The following PLCH2 variants were observed in gnomAD, a reference collection of about 807,000 sequenced individuals.
PLCH2 encodes the protein phospholipase C eta 2, also known as 1-phosphatidylinositol 4,5-bisphosphate phosphodiesterase eta-2.
PLCH2 carries 98 observed loss-of-function variants against 134.7 expected under a neutral mutation model. The ratio of observed to expected loss-of-function variants is 0.73; its 90% CI spans 0.62 to 0.86. PLCH2 has a LOEUF of 0.86. PLCH2 is among the 40% of genes least tolerant of loss of function. The probability of loss-of-function intolerance (pLI) is 0.00; values close to 1 mark genes in which losing one functional copy is unlikely to be tolerated. For missense variants in PLCH2, 1,994 were observed against 1,986.6 expected, an observed-to-expected ratio of 1.00 and a Z score of -0.07; for synonymous variants, 974 against 827.5, an observed-to-expected ratio of 1.18 and a Z score of -3.04.
At chr1:2,424,657 C>G (rs1011951292), upstream of PLCH2, among the ~76,000 whole-genome samples, 1 of 152,100 alleles carries the variant, frequency 6.6e-6, no homozygotes, top group Non-Finnish European at 1.5e-5. Context: ...TTGAGACCAG[C>G]CTGGCCAACA....
chr1:2,457,395 C>T (rs1024782114), intron 2 of PLCH2, among the ~76,000 whole-genome samples: 17 of 152,126 alleles, frequency 1.1e-4, no homozygotes, highest in Admixed American at 7.2e-4. Context: ...GCCTCGTGGC[C>T]GTGATCACAA....
At chr1:2,490,988 G>A (rs2100695798) in intron 10 of PLCH2, among the ~76,000 whole-genome samples, 1 of 152,382 alleles carries the variant, frequency 6.6e-6, no homozygotes, top group East Asian at 1.9e-4. Context: ...CTCTGCTGGG[G>A]GCCGCTGGGC....
At chr1:2,433,776 C>T (rs192548040) in intron 2 of PLCH2, among the ~76,000 whole-genome samples, 13 of 152,368 alleles carry the variant, frequency 8.5e-5, no homozygotes, top group East Asian at 3.9e-4. Flanking sequence ...CACCTCTCCC[C>T]GCTCCTTCGT....
intron 21 of PLCH2, chr1:2,503,608 C>A: frequency 2.9e-6 from 2 of 695,690 alleles, no homozygotes; most frequent in African/African-American, 1.8e-5. Flanking sequence ...ACCCACGCTG[C>A]CTCCGTAGTT....
Position 2,498,059 on chromosome 1 carries a change from G to A in PLCH2, c.2224+450G>A. On this transcript the variant is annotated intron_variant, in intron 16 of 21. Transcript: ENST00000378486. The surrounding 1 kb of genome is among the most constrained non-coding windows in gnomAD (Gnocchi z 5.4). ...CCAGCTTGGTCCCCCTGTGGCCCTG[G>A]CAGGAGTATCACCATGGGAGAGGGC... 1 of 228,810 alleles carries A rather than the reference G, an allele frequency of 4.4e-6. No homozygotes were observed. The highest frequency in any genetic ancestry group is 8.6e-6 in the Non-Finnish European group (1 of 116,054). 14.2% of individuals were successfully genotyped at this position (228,810 alleles called of 1,614,324 possible). A position where few individuals can be genotyped will look rare whatever the true frequency, so the allele number is the denominator to read the frequency against.
At chr1:2,463,552 C>T (rs1034651337), upstream of PLCH2, among the ~76,000 whole-genome samples, 1 of 152,212 alleles carries the variant, frequency 6.6e-6, no homozygotes. Flanking sequence ...ACCGAGGCAC[C>T]CCACGAAGGC....
chr1:2,428,815 G>A (rs1279007136), intron 1 of PLCH2, among the ~76,000 whole-genome samples: 1 of 152,256 alleles, frequency 6.6e-6, no homozygotes, highest in Non-Finnish European at 1.5e-5. Flanking sequence ...CGGGCTGGGA[G>A]ACCCCATGCC....
chr1:2,433,223 G>A lies in PLCH2; in HGVS notation c.115+2594G>A, dbSNP rs12058784. Among the ~76,000 whole-genome samples the A allele has an allele frequency of 6.1e-3, 923 of 152,360 alleles. 6 individuals carry two copies. Among genetic ancestry groups the A allele is most frequent in the African/African-American group, 0.02 (846 of 41,578 alleles). On this transcript the variant is annotated intron_variant, in intron 2 of 3. Transcript: ENST00000609981. ...CCGCTGTGTACGTGCTCAGGTGTCC[G>A]GGGAGGACCAGTGTGCTGTGGTGTG...
chr1:2,504,869 C>G lies in PLCH2; in HGVS notation c.3907C>G (p.Leu1303Val). ...GVRRDTLTEQ[L>V]RWLTVFQQAG... ...GAGACGGGACACCCTGACAGAGCAG[C>G]TGCGCTGGCTCACTGTCTTCCAGCA... Residue 1303 changes from leucine to valine, a missense_variant, in exon 22 of 22, where the codon CTG becomes GTG. Transcript: ENST00000378486. The G allele has an allele frequency of 6.3e-7, 1 of 1,595,292 alleles. No individual in the cohort carries two copies. Among genetic ancestry groups the G allele is most frequent in the Non-Finnish European group, 8.5e-7 (1 of 1,170,782 alleles).
In PLCH2 at chr1:2,478,977, G is replaced by A. The variant is rs557148603; in HGVS notation, c.271+355G>A. 8 of 290,388 alleles carry A rather than the reference G, an allele frequency of 2.8e-5. No homozygotes were observed. In the South Asian group the frequency reaches 5.9e-4, roughly 21 times the overall value. 18.0% of individuals were successfully genotyped at this position (290,388 alleles called of 1,614,324 possible). On this transcript the variant is annotated intron_variant, in intron 2 of 21. Coordinates refer to ENST00000378486, the MANE Select transcript of PLCH2 (RefSeq NM_014638.4). Reference sequence around the variant, plus strand: ...CCCCCACAGAGGTATGCTGATGGATGGGTATGGGTGCAAACAGTGGCTCAG... The same window carrying A: ...CCCCCACAGAGGTATGCTGATGGATAGGTATGGGTGCAAACAGTGGCTCAG...
chr1:2,447,417 C>A (rs555337692), intron 2 of PLCH2, among the ~76,000 whole-genome samples: 1 of 152,184 alleles, frequency 6.6e-6, no homozygotes. Flanking sequence ...TCAGGGCTCC[C>A]CCTCCCCTCC....
At chr1:2,496,770 C>A in intron 14 of PLCH2, 58 bp from the exon 15 acceptor site, 1 of 1,610,582 alleles carries the variant, frequency 6.2e-7, no homozygotes. Context: ...TGCTATGCTG[C>A]TGGGCGCCGG....
At chr1:2,475,836 G>A (rs1056875117), upstream of PLCH2, among the ~76,000 whole-genome samples, 4 of 152,122 alleles carry the variant, frequency 2.6e-5, no homozygotes, top group Non-Finnish European at 5.9e-5. Flanking sequence ...GATCCGGCTC[G>A]GCTCCCCTCT....
intron 2 of PLCH2, among the ~76,000 whole-genome samples, chr1:2,443,905 C>CGCCCTCGCT (rs1159903088): frequency 4.2e-4 from 63 of 151,622 alleles, no homozygotes; most frequent in African/African-American, 1.3e-3. Flanking sequence ...CCGCCCCCGC[C>CGCCCTCGCT]GCCCTCGCTG....
intron 2 of PLCH2, among the ~76,000 whole-genome samples, chr1:2,431,566 G>A (rs1372094034): frequency 2.6e-5 from 4 of 152,106 alleles, no homozygotes; most frequent in Non-Finnish European, 4.4e-5. Flanking sequence ...AGCAAGCTGC[G>A]CCCCCTTCTC....
At position 2,444,828 on chromosome 1, in the gene PLCH2, C is replaced by A. The variant is rs1190758932; in HGVS notation, c.115+14199C>A. Among the ~76,000 whole-genome samples, 1 of 152,048 alleles carries A rather than the reference C, an allele frequency of 6.6e-6. No individual in the cohort carries two copies. On this transcript the variant is annotated intron_variant, in intron 2 of 3. Coordinates refer to the PLCH2 transcript ENST00000609981. This position sits in a 1 kb window ranked among gnomAD's most constrained non-coding sequence, Gnocchi z 4.6. ...GATCGGTGTCCCCTTCGTCCCCTGA[C>A]ACGTTGGTCTGGGGAGGCGGGGTCA... is the stretch of plus-strand genomic sequence containing the variant.
At chr1:2,478,945 G>C (rs1250276561) in intron 2 of PLCH2, 484 of 308,204 alleles carry the variant, frequency 1.6e-3, no homozygotes, top group East Asian at 2.9e-3. Context: ...CCCATAAACA[G>C]AAACGACCCC....
At chr1:2,446,068 T>TCCCTCC (rs1639930072) in intron 2 of PLCH2, among the ~76,000 whole-genome samples, 2 of 152,046 alleles carry the variant, frequency 1.3e-5, no homozygotes, top group Non-Finnish European at 2.9e-5. Context: ...GCCCAGAGGG[T>TCCCTCC]CCCTCCCGCT....
chr1:2,470,687 C>A (rs79678910), intron 1 of PLCH2, among the ~76,000 whole-genome samples: 3,188 of 152,312 alleles, frequency 0.021, 119 homozygotes, highest in African/African-American at 0.073. Flanking sequence ...GGGCTGGGGG[C>A]AGGGCTGGCT....
Sources: allele counts gnomAD v4.1 joint callset (sites outside exome capture counted in the v4.1 genomes callset), GRCh38; gene constraint gnomAD v4.1.1; non-coding constraint Gnocchi (gnomAD v3.1); transcripts MANE v1.5; gene names NCBI Gene and HGNC (gene_info 2026-07-23, HGNC 2026-07-21).